Variants in ZBTB7C observed in about 807,000 individuals in gnomAD.
The protein encoded by ZBTB7C is zinc finger and BTB domain-containing protein 7C.
Under a neutral mutation model 25.7 loss-of-function variants are expected in ZBTB7C, and 8 were observed. That is an observed-to-expected ratio of 0.31 (90% CI 0.18 to 0.56). The LOEUF is 0.56. Among genes scored for constraint, ZBTB7C ranks in the 20% least tolerant of loss-of-function variants. The probability of loss-of-function intolerance (pLI) is 0.91; values close to 1 mark genes in which losing one functional copy is unlikely to be tolerated. For synonymous variants in ZBTB7C, 394 were observed against 369.0 expected (o/e 1.07, Z -0.78); for missense variants, 824 against 855.2 (o/e 0.96, Z 0.46).
chr18:48,303,409 T>C (rs1335521411), intron 2 of ZBTB7C, among the ~76,000 whole-genome samples: 3 of 152,198 alleles, frequency 2.0e-5, no homozygotes, highest in Admixed American at 2.0e-4. Context: ...AAATGCTATA[T>C]GGTGTGACAG....
chr18:48,400,867 C>CTT (rs1374491321), intron 1 of ZBTB7C, among the ~76,000 whole-genome samples: 5 of 152,178 alleles, frequency 3.3e-5, no homozygotes, highest in Admixed American at 6.5e-5. Flanking sequence ...TCATATGCTA[C>CTT]TTATCCAGTC....
intron 1 of ZBTB7C, among the ~76,000 whole-genome samples, chr18:48,360,336 G>A (rs2047075041): frequency 6.6e-6 from 1 of 152,238 alleles, no homozygotes; most frequent in South Asian, 2.1e-4. Flanking sequence ...CAACAGTTGA[G>A]CTGGGATTTA....
chr18:48,139,581 G>T (rs751345825), intron 3 of ZBTB7C, among the ~76,000 whole-genome samples: 1 of 152,140 alleles, frequency 6.6e-6, no homozygotes, highest in Non-Finnish European at 1.5e-5. Flanking sequence ...CAGCCCACCG[G>T]CTGGGTCCTG....
intron 2 of ZBTB7C, among the ~76,000 whole-genome samples, chr18:48,223,725 T>C (rs1300937463): frequency 6.6e-6 from 1 of 152,174 alleles, no homozygotes; most frequent in Non-Finnish European, 1.5e-5. Flanking sequence ...TTAACGTCCT[T>C]TAACCTGATG....
chr18:48,187,241 G>T (rs1434454888), intron 2 of ZBTB7C, among the ~76,000 whole-genome samples: 1 of 152,186 alleles, frequency 6.6e-6, no homozygotes, highest in Non-Finnish European at 1.5e-5. Flanking sequence ...AAGGGAATGG[G>T]GCAGATATCT....
upstream of ZBTB7C, among the ~76,000 whole-genome samples, chr18:48,410,128 G>A (rs1256376601): frequency 2.0e-5 from 3 of 152,188 alleles, no homozygotes; most frequent in Non-Finnish European, 4.4e-5. Context: ...CGAAAGTCGG[G>A]AGCAAGGAGT....
rs2048354286 is a variant in ZBTB7C at position 48,409,311 on chromosome 18, G to C, written c.-389C>G. 1 of 149,194 alleles carries C rather than the reference G, an allele frequency of 6.7e-6. No individual in the cohort carries two copies. The highest frequency in any genetic ancestry group is 6.6e-5 in the Admixed American group (1 of 15,052). The allele number at this position is 149,194 out of a possible 1,614,324, so 9.2% of individuals were successfully genotyped here. A position where few individuals can be genotyped will look rare whatever the true frequency, so the allele number is the denominator to read the frequency against. On this transcript the variant is annotated 5_prime_UTR_variant, in exon 1 of 5. Coordinates refer to ENST00000590800, the MANE Select transcript of ZBTB7C (RefSeq NM_001318841.2). ...TCCTCCTTCGCCGCCGGTGTCCGCCGGTCCCTGCGCGCCCGAGCCTCGCCG... is the reference window on the plus strand; with the variant it reads ...TCCTCCTTCGCCGCCGGTGTCCGCCCGTCCCTGCGCGCCCGAGCCTCGCCG...
At chr18:48,250,547 C>T (rs2043817871) in intron 2 of ZBTB7C, among the ~76,000 whole-genome samples, 1 of 152,068 alleles carries the variant, frequency 6.6e-6, no homozygotes, top group South Asian at 2.1e-4. Flanking sequence ...TCTTTTGCTC[C>T]ACTGTGGTAT....
Position 48,093,885 on chromosome 18 carries a change from C to CA in ZBTB7C, c.-16-52763_-16-52762insT, listed in dbSNP as rs1452837974. On this transcript the variant is annotated intron_variant, in intron 3 of 4. Transcript: ENST00000590800. The stretch of plus-strand genomic sequence containing the variant: ...CCTGGCTAACATGGTGAAATCCCGT[C>CA]TCTACTAAAAAAATACAAAAAAAAT... Among the ~76,000 whole-genome samples, 15 of 149,520 alleles carry CA rather than the reference C, an allele frequency of 1.0e-4. No homozygotes were observed. In the East Asian group the frequency reaches 2.4e-3, roughly 24 times the overall value.
intron 3 of ZBTB7C, among the ~76,000 whole-genome samples, chr18:48,138,393 AG>A (rs1368541535): frequency 1.3e-5 from 2 of 152,156 alleles, no homozygotes; most frequent in Non-Finnish European, 2.9e-5. Flanking sequence ...CCAGAGAGGC[AG>A]GGAAACTTGT....
intron 2 of ZBTB7C, among the ~76,000 whole-genome samples, chr18:48,241,257 G>A (rs2043514642): frequency 6.6e-6 from 1 of 152,070 alleles, no homozygotes; most frequent in Admixed American, 6.5e-5. Context: ...AATAGTGGGG[G>A]ACTTCAATAC....
intron 3 of ZBTB7C, among the ~76,000 whole-genome samples, chr18:48,124,378 G>C (rs564974032): frequency 8.5e-5 from 13 of 152,372 alleles, no homozygotes; most frequent in African/African-American, 2.6e-4. Context: ...ACAGTCCTTA[G>C]AGCCAAGCAA....
rs549309523 is a variant in ZBTB7C at position 48,355,212 on chromosome 18, C to A, written c.-303-16814G>T. Among the ~76,000 whole-genome samples the A allele has an allele frequency of 5.9e-5, 9 of 152,260 alleles. No individual in the cohort carries two copies. In the South Asian group the frequency reaches 1.5e-3, roughly 25 times the overall value. Reference sequence around the variant, plus strand: ...GGTATTTTGAACAAAAGGAAATAATCTTTCATTGTGAAATTTCAAGGACTG... The same window carrying A: ...GGTATTTTGAACAAAAGGAAATAATATTTCATTGTGAAATTTCAAGGACTG... On this transcript the variant is annotated intron_variant, in intron 1 of 4. Coordinates refer to ENST00000590800, the MANE Select transcript of ZBTB7C (RefSeq NM_001318841.2).
chr18:48,114,710 A>G (rs1355111126), intron 3 of ZBTB7C, among the ~76,000 whole-genome samples: 1 of 152,200 alleles, frequency 6.6e-6, no homozygotes, highest in African/African-American at 2.4e-5. Context: ...ATCACAGTAT[A>G]TTCATTGGGA....
chr18:48,356,659 C>T (rs542685676), intron 1 of ZBTB7C, among the ~76,000 whole-genome samples: 7 of 152,180 alleles, frequency 4.6e-5, no homozygotes, highest in Non-Finnish European at 7.4e-5. Context: ...ATCCCAGCGC[C>T]ACTCTGGACT....
intron 2 of ZBTB7C, among the ~76,000 whole-genome samples, chr18:48,273,065 G>A (rs1250877328): frequency 6.6e-6 from 1 of 152,128 alleles, no homozygotes; most frequent in Non-Finnish European, 1.5e-5. Flanking sequence ...AAACATTCTG[G>A]AATTAGTATT....
At chr18:48,213,009 T>G (rs1159526911) in intron 2 of ZBTB7C, among the ~76,000 whole-genome samples, 1 of 152,116 alleles carries the variant, frequency 6.6e-6, no homozygotes, top group Non-Finnish European at 1.5e-5. Flanking sequence ...GGAAGGCCTT[T>G]CCTCCAGCCG....
At chr18:48,082,751 C>T (rs2038040165) in intron 3 of ZBTB7C, among the ~76,000 whole-genome samples, 1 of 152,016 alleles carries the variant, frequency 6.6e-6, no homozygotes, top group Non-Finnish European at 1.5e-5. Context: ...TGGGTATGGG[C>T]CCATTTTAGA....
Position 48,234,299 on chromosome 18 carries a change from C to A in ZBTB7C, c.-78-48304G>T, listed in dbSNP as rs565646012. ...ATATCTATTATCTTAAACTATTTTACAGCCACCTAAATACATTTTTAATTT... is the reference window on the plus strand; with the variant it reads ...ATATCTATTATCTTAAACTATTTTAAAGCCACCTAAATACATTTTTAATTT... On this transcript the variant is annotated intron_variant, in intron 2 of 4. Transcript: ENST00000590800. Among the ~76,000 whole-genome samples the A allele has an allele frequency of 2.5e-4, 38 of 152,236 alleles. No individual in the cohort carries two copies. In the South Asian group the frequency reaches 7.5e-3, roughly 30 times the overall value.
Sources: gnomAD v4.1 joint callset for allele counts (sites outside exome capture counted in the v4.1 genomes callset) on GRCh38, gnomAD v4.1.1 for gene constraint, MANE v1.5 for transcripts, NCBI Gene and HGNC (gene_info 2026-07-23, HGNC 2026-07-21) for gene names.